The following PEBP4 variants were observed in gnomAD, a reference collection of about 807,000 sequenced individuals.
PEBP4 encodes the protein phosphatidylethanolamine-binding protein 4.
PEBP4 carries 22 observed loss-of-function variants against 23.9 expected under a neutral mutation model. The ratio of observed to expected loss-of-function variants is 0.92; its 90% CI spans 0.66 to 1.31. PEBP4 has a LOEUF of 1.31. Among genes scored for constraint, PEBP4 ranks in the 40% most tolerant of loss-of-function variants. PEBP4 has a pLI of 0.00. For missense variants in PEBP4, 324 were observed against 281.7 expected, an observed-to-expected ratio of 1.15 and a Z score of -1.07; for synonymous variants, 112 against 99.3, an observed-to-expected ratio of 1.13 and a Z score of -0.76.
chr8:22,877,832 G>A (rs1808156594), intron 3 of PEBP4: 1 of 152,402 alleles, frequency 6.6e-6, no homozygotes, highest in Admixed American at 6.5e-5. Context: ...CAGGGAGTCG[G>A]AGGAGGGTGG....
rs1048268820 is a variant in PEBP4, at chr8:22,865,950, T to C, written c.259-48215A>G. Among the ~76,000 whole-genome samples, 1 of 151,686 alleles carries C rather than the reference T, an allele frequency of 6.6e-6. No individual in the cohort carries two copies. The highest frequency in any genetic ancestry group is 1.5e-5 in the Non-Finnish European group (1 of 67,852). On this transcript the variant is annotated intron_variant, in intron 3 of 6. Coordinates refer to ENST00000256404, the MANE Select transcript of PEBP4 (RefSeq NM_144962.3). The surrounding 1 kb of genome is among the most constrained non-coding windows in gnomAD (Gnocchi z 6.9). ...CGAGGTGTGGCCCGGCGCCGGGCGGTGCTGCCCGGAGAGCGCGCAGCCCCC... is the reference window on the plus strand; with the variant it reads ...CGAGGTGTGGCCCGGCGCCGGGCGGCGCTGCCCGGAGAGCGCGCAGCCCCC...
intron 3 of PEBP4, among the ~76,000 whole-genome samples, chr8:22,904,004 T>G (rs1467717995): frequency 6.6e-6 from 1 of 152,210 alleles, no homozygotes; most frequent in Non-Finnish European, 1.5e-5. Context: ...CCTGTCTTTG[T>G]TCATCATCAC....
chr8:22,754,212 A>G (rs1422145669), intron 4 of PEBP4, among the ~76,000 whole-genome samples: 1 of 152,116 alleles, frequency 6.6e-6, no homozygotes, highest in Non-Finnish European at 1.5e-5. Context: ...CGCCCCACCC[A>G]CAGGGTGCTC....
intron 4 of PEBP4, among the ~76,000 whole-genome samples, chr8:22,798,227 A>G (rs1279371286): frequency 6.6e-6 from 1 of 152,156 alleles, no homozygotes; most frequent in African/African-American, 2.4e-5. Flanking sequence ...CACATCCTGG[A>G]GCCTTGCTAA....
chr8:22,800,892 G>T (rs190746875), intron 4 of PEBP4, among the ~76,000 whole-genome samples: 14 of 152,190 alleles, frequency 9.2e-5, no homozygotes, highest in Admixed American at 4.6e-4. Flanking sequence ...GATTTTGGCT[G>T]CCTTTGCCTC....
In PEBP4 at chr8:22,865,815, GGGACCCCCAC is replaced by G. The variant is rs1353452625; in HGVS notation, c.259-48090_259-48081del. The stretch of plus-strand genomic sequence containing the variant: ...GGGGGCGCGAGCGGCGGCGCCTAGA[GGGACCCCCAC>G]CCCGGGCTCGAACTCCCGACAAGAC... On this transcript the variant is annotated intron_variant, in intron 3 of 6. Transcript: ENST00000256404. This position sits in a 1 kb window ranked among gnomAD's most constrained non-coding sequence, Gnocchi z 6.9. 2.0e-4 allele frequency among the ~76,000 whole-genome samples: 30 copies of G among 152,314 alleles called. No individual in the cohort carries two copies. The highest frequency in any genetic ancestry group is 7.2e-4 in the African/African-American group (30 of 41,578).
At chr8:22,781,678 C>T (rs1023917214) in intron 4 of PEBP4, among the ~76,000 whole-genome samples, 1 of 152,184 alleles carries the variant, frequency 6.6e-6, no homozygotes, top group African/African-American at 2.4e-5. Flanking sequence ...CCCAGCCACC[C>T]GAAGACATCT....
At chr8:22,821,073 G>A (rs142901287) in intron 3 of PEBP4, among the ~76,000 whole-genome samples, 3,368 of 152,108 alleles carry the variant, frequency 0.022, 54 homozygotes, top group South Asian at 0.047. Context: ...CATGCCTATG[G>A]TTCCAGCTAC....
At chr8:22,757,304 G>C (rs539274130) in intron 4 of PEBP4, 1 of 152,392 alleles carries the variant, frequency 6.6e-6, no homozygotes, top group East Asian at 1.9e-4. Flanking sequence ...GCCCAAGCCA[G>C]TTCTGACACA....
chr8:22,743,366 A>G (rs151065662), intron 4 of PEBP4, among the ~76,000 whole-genome samples: 110 of 152,352 alleles, frequency 7.2e-4, no homozygotes, highest in East Asian at 6.7e-3. Context: ...TGGAGCCTCT[A>G]ATGACGGGGT....
At chr8:22,862,605 C>T (rs1326093656) in intron 3 of PEBP4, among the ~76,000 whole-genome samples, 2 of 152,086 alleles carry the variant, frequency 1.3e-5, no homozygotes, top group East Asian at 1.9e-4. Context: ...TTATTAGGTA[C>T]CTCACACCAT....
intron 3 of PEBP4, among the ~76,000 whole-genome samples, chr8:22,913,144 T>C (rs1262590830): frequency 6.6e-6 from 1 of 152,224 alleles, no homozygotes; most frequent in African/African-American, 2.4e-5. Context: ...CGGCACCAAA[T>C]ACAGTGGCAT....
chr8:22,751,280 T>C (rs889791271), intron 4 of PEBP4, among the ~76,000 whole-genome samples: 1 of 152,024 alleles, frequency 6.6e-6, no homozygotes, highest in African/African-American at 2.4e-5. Flanking sequence ...CTAGAGATGC[T>C]GCCATGCCTG....
At chr8:22,728,606 T>TC (rs1804672007) in intron 4 of PEBP4, among the ~76,000 whole-genome samples, 2 of 134,364 alleles carry the variant, frequency 1.5e-5, no homozygotes, top group African/African-American at 5.3e-5. Context: ...CTTCCTTCCT[T>TC]CCTTCCCTTT....
chr8:22,855,522 G>T (rs1807627844), intron 3 of PEBP4, among the ~76,000 whole-genome samples: 1 of 152,118 alleles, frequency 6.6e-6, no homozygotes, highest in African/African-American at 2.4e-5. Context: ...CTCTGGCCCT[G>T]CAGGCCTTTT....
intron 3 of PEBP4, among the ~76,000 whole-genome samples, chr8:22,854,832 T>A (rs766612031): frequency 6.6e-6 from 1 of 152,130 alleles, no homozygotes. Flanking sequence ...CTCTTTCTAC[T>A]GAAGGTTTTA....
intron 4 of PEBP4, among the ~76,000 whole-genome samples, chr8:22,736,650 C>G (rs60875144): frequency 6.6e-6 from 1 of 152,230 alleles, no homozygotes; most frequent in East Asian, 1.9e-4. Context: ...AAGCAAATAT[C>G]AGGAGTTTGT....
intron 4 of PEBP4, among the ~76,000 whole-genome samples, chr8:22,785,500 C>T (rs144362801): frequency 0.012 from 1,869 of 152,262 alleles, 24 homozygotes; most frequent in South Asian, 0.075. Flanking sequence ...AAATTGAGGT[C>T]GGCGGTCTGG....
At chr8:22,824,716 G>A (rs1289814425) in intron 3 of PEBP4, among the ~76,000 whole-genome samples, 1 of 152,170 alleles carries the variant, frequency 6.6e-6, no homozygotes, top group Admixed American at 6.5e-5. Flanking sequence ...CTCATAAGGA[G>A]CGTTGCAACC....
Sources: allele counts gnomAD v4.1 joint callset (sites outside exome capture counted in the v4.1 genomes callset), GRCh38; gene constraint gnomAD v4.1.1; non-coding constraint Gnocchi (gnomAD v3.1); transcripts MANE v1.5; gene names NCBI Gene and HGNC (gene_info 2026-07-23, HGNC 2026-07-21).